Variants in ATF7 observed in about 807,000 individuals in gnomAD.
The protein encoded by ATF7 is activating transcription factor 7.
ATF7 carries 10 observed loss-of-function variants against 50.4 expected under a neutral mutation model. That is an observed-to-expected ratio of 0.20 (90% confidence interval 0.12 to 0.34). ATF7 has a LOEUF of 0.34. Among genes scored for constraint, ATF7 ranks in the 10% least tolerant of loss-of-function variants. ATF7 has a pLI of 1.00. For missense variants in ATF7, 465 were observed against 613.9 expected, an observed-to-expected ratio of 0.76 and a Z score of 2.56; for synonymous variants, 201 against 226.4, an observed-to-expected ratio of 0.89 and a Z score of 1.01.
chr12:53,588,526 CAA>C (rs1265153301), intron 2 of ATF7, among the ~76,000 whole-genome samples: 1 of 152,158 alleles, frequency 6.6e-6, no homozygotes, highest in Non-Finnish European at 1.5e-5. Context: ...GCCACCAGAA[CAA>C]AAGCCCCAAT....
At chr12:53,591,169 C>T (rs991691974) in intron 2 of ATF7, among the ~76,000 whole-genome samples, 14 of 152,170 alleles carry the variant, frequency 9.2e-5, no homozygotes, top group South Asian at 2.1e-4. Context: ...TTTTTCTATA[C>T]GCTTACTGCT....
intron 3 of ATF7, 114 bp from the exon 4 acceptor site, chr12:53,543,562 T>C: frequency 8.4e-7 from 1 of 1,191,550 alleles, no homozygotes; most frequent in Non-Finnish European, 1.1e-6. Flanking sequence ...AGAGAGTCTT[T>C]GTGTTAGGGC....
At chr12:53,532,698 A>C in intron 7 of ATF7, 75 bp from the exon 8 acceptor site, 1 of 1,141,002 alleles carries the variant, frequency 8.8e-7, no homozygotes, top group Admixed American at 2.3e-5. Context: ...TTTCCCTAAA[A>C]TGAAGCGCTT....
intron 2 of ATF7, among the ~76,000 whole-genome samples, chr12:53,597,249 G>A (rs1943199831): frequency 6.6e-6 from 1 of 152,016 alleles, no homozygotes; most frequent in African/African-American, 2.4e-5. Flanking sequence ...ACTTACTGGT[G>A]GGAAGTGGAT....
In ATF7 at chr12:53,532,539, C is replaced by T; in HGVS notation, c.745G>A (p.Gly249Ser). 2 of 1,605,026 alleles carry T rather than the reference C, an allele frequency of 1.2e-6. No individual in the cohort carries two copies. The highest frequency in any genetic ancestry group is 1.7e-6 in the Non-Finnish European group (2 of 1,175,984). ...VNSSGSISPSGHPIPSEAKMR... is the reference protein window; with the variant it reads ...VNSSGSISPSSHPIPSEAKMR... ...TTGGCTTCTGATGGTATAGGGTGGC[C>T]AGAGGGAGAAATGGAGCCACTACTG... is the stretch of plus-strand genomic sequence containing the variant. Residue 249 changes from glycine (G) to serine (S), a missense_variant, in exon 8 of 12, where the codon GGC (glycine) becomes AGC (serine). By Grantham distance (56) the Gly-to-Ser change is moderately conservative. Transcript: ENST00000420353.
chr12:53,531,645 G>T, intron 9 of ATF7, 99 bp downstream of exon 9: 1 of 1,317,138 alleles, frequency 7.6e-7, no homozygotes, highest in Non-Finnish European at 1.0e-6. Context: ...AACCCAGAAA[G>T]CTGAAGTCCA....
At position 53,524,520 on chromosome 12, in the gene ATF7, TC is replaced by T; in HGVS notation, c.1125+43del. ...ACTTTTTTCTGATTCCATCCCACTT[TC>T]TGGATTTTCAACAATTCCAATAAGC... On this transcript the variant is annotated intron_variant, in intron 10 of 11. Transcript: ENST00000420353. The surrounding 1 kb of genome is among the most constrained non-coding windows in gnomAD (Gnocchi z 4.6). 2 of 1,601,618 alleles carry T rather than the reference TC, an allele frequency of 1.2e-6. No homozygotes were observed. Among genetic ancestry groups the T allele is most frequent in the Non-Finnish European group, 1.7e-6 (2 of 1,173,418 alleles).
chr12:53,520,246 G>A (rs977134278), intron 11 of ATF7, among the ~76,000 whole-genome samples: 3 of 151,994 alleles, frequency 2.0e-5, no homozygotes, highest in Admixed American at 6.6e-5. Flanking sequence ...TAGCTCTGCT[G>A]TCTCCCTTGG....
chr12:53,545,464 G>A (rs1164986698), intron 3 of ATF7, among the ~76,000 whole-genome samples: 1 of 152,214 alleles, frequency 6.6e-6, no homozygotes, highest in East Asian at 1.9e-4. Context: ...AGCCTCCCAA[G>A]TAGCTGGGAT....
At chr12:53,577,488 G>A (rs967763142) in intron 2 of ATF7, among the ~76,000 whole-genome samples, 3 of 151,846 alleles carry the variant, frequency 2.0e-5, no homozygotes, top group Non-Finnish European at 4.4e-5. Context: ...AGGCCGAGGC[G>A]GGTGGATCAC....
rs768689060 is a variant in ATF7 at position 53,517,357 on chromosome 12, G to A, written c.1235-3C>T. 2 of 1,612,026 alleles carry A rather than the reference G, an allele frequency of 1.2e-6. No homozygotes were observed. The highest frequency in any genetic ancestry group is 2.2e-5 in the East Asian group (1 of 44,864). ...CTCTGAGCTTTCCTTGGGGCTTTCT[G>A]CCAGGAAGGAGGGCAAAGAGCAGAG... is the stretch of plus-strand genomic sequence containing the variant. On this transcript the variant is annotated splice_region_variant and splice_polypyrimidine_tract_variant and intron_variant, in intron 11 of 11. Coordinates refer to ENST00000420353, the MANE Select transcript of ATF7 (RefSeq NM_006856.3).
intron 1 of ATF7, among the ~76,000 whole-genome samples, chr12:53,608,893 G>A (rs936644350): frequency 6.6e-6 from 1 of 152,126 alleles, no homozygotes. Flanking sequence ...CTAGCAAAGT[G>A]ACTTAAGATT....
intron 2 of ATF7, among the ~76,000 whole-genome samples, chr12:53,578,691 G>C (rs1942230683): frequency 6.6e-6 from 1 of 151,670 alleles, no homozygotes; most frequent in Non-Finnish European, 1.5e-5. Flanking sequence ...GGCTGAGATG[G>C]GAGGATTGCT....
At chr12:53,591,778 C>T (rs1326716146) in intron 2 of ATF7, among the ~76,000 whole-genome samples, 1 of 152,146 alleles carries the variant, frequency 6.6e-6, no homozygotes, top group Non-Finnish European at 1.5e-5. Context: ...TTTGAGAGAC[C>T]ATGTCTTTGA....
At position 53,514,764 on chromosome 12, in the gene ATF7, G is replaced by C. The variant is rs1037383507; in HGVS notation, c.*2373C>G. 1 of 152,178 alleles carries C rather than the reference G, an allele frequency of 6.6e-6. No homozygotes were observed. Among genetic ancestry groups the C allele is most frequent in the African/African-American group, 2.4e-5 (1 of 41,438 alleles). The allele number at this position is 152,178 out of a possible 1,614,324, so 9.4% of individuals were successfully genotyped here. A position where few individuals can be genotyped will look rare whatever the true frequency, so the allele number is the denominator to read the frequency against. ...AAATTAGCCACCCAACACAGGGACA[G>C]ACTGGCAGGGCATGTATGCAGTTAC... is the stretch of plus-strand genomic sequence containing the variant. On this transcript the variant is annotated 3_prime_UTR_variant, in exon 12 of 12. Transcript: ENST00000420353.
At chr12:53,618,547 AC>A (rs1944238151) in intron 1 of ATF7, among the ~76,000 whole-genome samples, 1 of 152,216 alleles carries the variant, frequency 6.6e-6, no homozygotes, top group Non-Finnish European at 1.5e-5. Context: ...TCTAAAATTA[AC>A]AAGCAGGAAA....
At chr12:53,581,402 T>G (rs1431456516) in intron 2 of ATF7, among the ~76,000 whole-genome samples, 1 of 152,162 alleles carries the variant, frequency 6.6e-6, no homozygotes, top group African/African-American at 2.4e-5. Flanking sequence ...TACATTCTTC[T>G]TAGCTCACAT....
intron 2 of ATF7, among the ~76,000 whole-genome samples, chr12:53,572,020 C>T (rs1405779548): frequency 2.0e-5 from 3 of 151,428 alleles, no homozygotes; most frequent in Non-Finnish European, 4.4e-5. Flanking sequence ...TGAGCCGAGA[C>T]AGTGCCACTG....
chr12:53,518,312 C>A (rs1464217059), intron 11 of ATF7, among the ~76,000 whole-genome samples: 1 of 152,258 alleles, frequency 6.6e-6, no homozygotes, highest in Non-Finnish European at 1.5e-5. Flanking sequence ...AATCTTAAGA[C>A]CCTCCTGACT....
Sources: allele counts gnomAD v4.1 joint callset (sites outside exome capture counted in the v4.1 genomes callset), GRCh38; gene constraint gnomAD v4.1.1; non-coding constraint Gnocchi (gnomAD v3.1); transcripts MANE v1.5; gene names NCBI Gene and HGNC (gene_info 2026-07-23, HGNC 2026-07-21).